The following DCLRE1C variants were observed in gnomAD, a reference collection of about 807,000 sequenced individuals.
DCLRE1C encodes the protein DNA cross-link repair 1C, also known as protein artemis.
In DCLRE1C, 47 loss-of-function variants were observed where a neutral mutation model predicts 61.4. That is an observed-to-expected ratio of 0.77 (90% CI 0.61 to 0.98). The LOEUF (loss-of-function observed/expected upper bound fraction) is 0.98, where lower values mean the gene tolerates loss of function less well. DCLRE1C is among the 50% of genes least tolerant of loss of function. The pLI, the probability that DCLRE1C is intolerant of heterozygous loss-of-function variation, is 0.00. For missense variants in DCLRE1C, 858 were observed against 816.0 expected (o/e 1.05, Z -0.63); for synonymous variants, 337 against 287.6 (o/e 1.17, Z -1.74).
chr10:14,936,397 G>A (rs146661289), intron 5 of DCLRE1C, 141 bp downstream of exon 5: 116 of 558,396 alleles, frequency 2.1e-4, no homozygotes, highest in African/African-American at 8.9e-4. Flanking sequence ...ATCCTCCCGC[G>A]TCAGCCTCCC....
chr10:14,903,378 A>G (rs1010769212), downstream of DCLRE1C: 3 of 152,222 alleles, frequency 2.0e-5, no homozygotes, highest in Admixed American at 1.3e-4. Flanking sequence ...CGGTAAAACA[A>G]GCTGCCTGGA....
At chr10:14,932,042 T>G (rs1378935151) in intron 9 of DCLRE1C, among the ~76,000 whole-genome samples, 2 of 147,962 alleles carry the variant, frequency 1.4e-5, no homozygotes, top group Non-Finnish European at 3.0e-5. Flanking sequence ...CAAAAATAAA[T>G]AAATAATAAA....
At chr10:14,945,619 C>G (rs1841551579) in intron 2 of DCLRE1C, 1 of 772,788 alleles carries the variant, frequency 1.3e-6, no homozygotes, top group African/African-American at 1.9e-5. Context: ...GTGTTGAGAA[C>G]AGAAACTTCT....
At chr10:14,902,394 CTG>C (rs1358398186), downstream of DCLRE1C, 3 of 1,559,730 alleles carry the variant, frequency 1.9e-6, no homozygotes, top group Non-Finnish European at 2.6e-6. Context: ...ATTTCTTTTT[CTG>C]TGTCTTCAGG....
intron 1 of DCLRE1C, among the ~76,000 whole-genome samples, chr10:14,950,274 A>C (rs1336612450): frequency 6.9e-6 from 1 of 145,868 alleles, no homozygotes; most frequent in Non-Finnish European, 1.5e-5. Flanking sequence ...CCGAAGGCAG[A>C]GGTTGCGGTG....
chr10:14,926,860 G>A lies in DCLRE1C; in HGVS notation c.955C>T (p.His319Tyr). The change falls in exon 11 of 14, where the codon CAC becomes TAC. Residue 319 changes from histidine (H) to tyrosine (Y), a missense_variant. This residue lies in a region of DCLRE1C where 843 missense variants were observed against 783.5 expected (regional missense o/e 1.08). Coordinates refer to ENST00000378278, the MANE Select transcript of DCLRE1C (RefSeq NM_001033855.3). The stretch of plus-strand genomic sequence containing the variant: ...CCTCTTACCTCACTGTAGGAGGAGT[G>A]AAAAGAAAAACAAGCTCTGTATGAA... ...ESSYRACFSF[H>Y]SSYSEIKDFL... The A allele has an allele frequency of 6.2e-7, 1 of 1,613,370 alleles. No individual in the cohort carries two copies. Among genetic ancestry groups the A allele is most frequent in the Non-Finnish European group, 8.5e-7 (1 of 1,179,410 alleles).
At chr10:14,931,055 T>C (rs185756900) in intron 9 of DCLRE1C, among the ~76,000 whole-genome samples, 2 of 152,330 alleles carry the variant, frequency 1.3e-5, no homozygotes, top group African/African-American at 4.8e-5. Flanking sequence ...TCTAAATGAA[T>C]AAATGCAATG....
chr10:14,898,154 G>A (rs983486566), exon 14 of DCLRE1C: 3 of 134,014 alleles, frequency 2.2e-5, no homozygotes, highest in African/African-American at 5.6e-5. Flanking sequence ...AGCACTTGAT[G>A]TATTAATTCA....
intron 13 of DCLRE1C, among the ~76,000 whole-genome samples, chr10:14,912,227 T>A (rs1329507780): frequency 1.3e-5 from 2 of 151,872 alleles, no homozygotes; most frequent in African/African-American, 4.8e-5. Flanking sequence ...AATTTTTACT[T>A]TTTTTTTAAG....
intron 9 of DCLRE1C, among the ~76,000 whole-genome samples, chr10:14,931,770 G>A (rs967448331): frequency 7.2e-5 from 11 of 152,126 alleles, no homozygotes; most frequent in African/African-American, 2.7e-4. Context: ...TGGGCGCAGT[G>A]GCTCATGCCT....
intron 13 of DCLRE1C, among the ~76,000 whole-genome samples, chr10:14,915,148 A>G (rs1461509235): frequency 1.3e-5 from 2 of 152,168 alleles, no homozygotes; most frequent in Non-Finnish European, 2.9e-5. Flanking sequence ...GGATGCTGCT[A>G]AAGAGGGAAA....
chr10:14,953,172 TA>T (rs1842707058), intron 1 of DCLRE1C, among the ~76,000 whole-genome samples: 2 of 152,090 alleles, frequency 1.3e-5, no homozygotes, highest in African/African-American at 4.8e-5. Context: ...TTTTCCCTGG[TA>T]AAAGTTAGTG....
chr10:14,929,290 G>C (rs1468188032), intron 9 of DCLRE1C, among the ~76,000 whole-genome samples: 2 of 152,112 alleles, frequency 1.3e-5, no homozygotes, highest in African/African-American at 4.8e-5. Context: ...TGTAATCCCA[G>C]CTACTTGGGA....
At chr10:14,915,474 C>A (rs1405789089) in intron 13 of DCLRE1C, among the ~76,000 whole-genome samples, 1 of 151,776 alleles carries the variant, frequency 6.6e-6, no homozygotes, top group Admixed American at 6.6e-5. Flanking sequence ...TCAGTAGATT[C>A]TACAGATAGT....
At chr10:14,930,402 G>A (rs1487682451) in intron 9 of DCLRE1C, among the ~76,000 whole-genome samples, 1 of 149,296 alleles carries the variant, frequency 6.7e-6, no homozygotes, top group Admixed American at 6.7e-5. Flanking sequence ...CAAAGTGCTG[G>A]GATTACAGAT....
chr10:14,933,569 A>T (rs530404962), intron 8 of DCLRE1C, among the ~76,000 whole-genome samples: 1 of 152,190 alleles, frequency 6.6e-6, no homozygotes, highest in South Asian at 2.1e-4. Flanking sequence ...CCCAGGAGGC[A>T]GAGGTTGCAG....
In DCLRE1C at chr10:14,919,800, G is replaced by A. The variant is rs376153057; in HGVS notation, c.1094C>T (p.Thr365Met). The part of the protein sequence containing the change: ...LKPLCRSSQS[T>M]EPKYKPLGKL... Reference sequence around the variant, plus strand: ...TCCCAGTGGTTTATACTTTGGCTCCGTACTTTGGGAAGACCGGCATAAAGG... The same window carrying A: ...TCCCAGTGGTTTATACTTTGGCTCCATACTTTGGGAAGACCGGCATAAAGG... Residue 365 changes from threonine to methionine, a missense_variant, in exon 13 of 14, where the codon ACG (threonine) becomes ATG (methionine). Physicochemically the swap from Thr to Met is moderately conservative, Grantham distance 81. Transcript: ENST00000378278. The A allele has an allele frequency of 3.3e-5, 53 of 1,613,864 alleles. No homozygotes were observed. Among genetic ancestry groups the A allele is most frequent in the African/African-American group, 1.7e-4 (13 of 74,992 alleles).
chr10:14,936,507 A>G (rs751371041), intron 5 of DCLRE1C, 31 bp downstream of exon 5: 15 of 1,580,936 alleles, frequency 9.5e-6, no homozygotes, highest in Non-Finnish European at 1.3e-5. Context: ...GTCTACATAT[A>G]ATAAAATGAC....
chr10:14,945,059 A>G (rs1466734939), intron 3 of DCLRE1C, 46 bp downstream of exon 3: 1 of 1,449,530 alleles, frequency 6.9e-7, no homozygotes, highest in Admixed American at 1.8e-5. Flanking sequence ...CTCTAAAAAT[A>G]CTTCCCACTT....
Sources: allele counts gnomAD v4.1 joint callset (sites outside exome capture counted in the v4.1 genomes callset), GRCh38; gene constraint gnomAD v4.1.1; regional missense constraint gnomAD v4.1.1; transcripts MANE v1.5; gene names NCBI Gene and HGNC (gene_info 2026-07-23, HGNC 2026-07-21).